The following NFATC2 variants were observed in gnomAD, a reference collection of about 807,000 sequenced individuals.
NFATC2 encodes nuclear factor of activated T-cells, cytoplasmic 2.
Under a neutral mutation model 87.3 loss-of-function variants are expected in NFATC2, and 22 were observed. The observed-to-expected ratio is 0.25, with a 90% CI of 0.18 to 0.36. The LOEUF (loss-of-function observed/expected upper bound fraction) is 0.36, where lower values mean the gene tolerates loss of function less well. Among genes scored for constraint, NFATC2 ranks in the 10% least tolerant of loss-of-function variants. The pLI, the probability that NFATC2 is intolerant of heterozygous loss-of-function variation, is 1.00. For synonymous variants in NFATC2, 565 were observed against 542.2 expected, an observed-to-expected ratio of 1.04 and a Z score of -0.58; for missense variants, 1,149 against 1,259.1, an observed-to-expected ratio of 0.91 and a Z score of 1.32.
intron 3 of NFATC2, among the ~76,000 whole-genome samples, chr20:51,488,948 G>A (rs1361278472): frequency 1.3e-5 from 2 of 152,216 alleles, no homozygotes; most frequent in African/African-American, 4.8e-5. Context: ...CAGCACTTTG[G>A]GAGGCCAAGG....
At chr20:51,544,010 CGG>C (rs1251725867), upstream of NFATC2, among the ~76,000 whole-genome samples, 71 of 63,898 alleles carry the variant, frequency 1.1e-3, no homozygotes, top group African/African-American at 4.6e-3. Flanking sequence ...TTTTTGGAGA[CGG>C]AGTCTCGCTC....
At chr20:51,433,001 G>T (rs1427283680) in intron 8 of NFATC2, among the ~76,000 whole-genome samples, 2 of 152,090 alleles carry the variant, frequency 1.3e-5, no homozygotes, top group Admixed American at 1.3e-4. Context: ...AAGGTGGCTG[G>T]TAGGTCTGAC....
chr20:51,405,472 G>T (rs991485676), intron 9 of NFATC2, among the ~76,000 whole-genome samples: 1 of 152,116 alleles, frequency 6.6e-6, no homozygotes, highest in East Asian at 1.9e-4. Flanking sequence ...CTGTTTGCAT[G>T]TGCCATGTTC....
At chr20:51,411,953 C>T (rs1979325396) in intron 9 of NFATC2, among the ~76,000 whole-genome samples, 1 of 152,058 alleles carries the variant, frequency 6.6e-6, no homozygotes, top group Non-Finnish European at 1.5e-5. Context: ...AAGCAGAGGT[C>T]CCAACCTCAG....
chr20:51,526,340 C>T (rs995888648), intron 1 of NFATC2, among the ~76,000 whole-genome samples: 2 of 152,202 alleles, frequency 1.3e-5, no homozygotes, highest in Non-Finnish European at 2.9e-5. Context: ...AAGCAAGCTA[C>T]AGCTTGCTCC....
upstream of NFATC2, among the ~76,000 whole-genome samples, chr20:51,544,293 T>A (rs1213459476): frequency 6.6e-6 from 1 of 152,084 alleles, no homozygotes; most frequent in Admixed American, 6.5e-5. Flanking sequence ...GGCCTGAAAA[T>A]TTTTTTAAAC....
Position 51,435,840 on chromosome 20 carries a change from G to A in NFATC2, c.1850-79C>T, listed in dbSNP as rs1983485064. On this transcript the variant is annotated intron_variant, in intron 6 of 10. Transcript: ENST00000371564. ...TTAAGACAAAAACTCACCAACTTCT[G>A]TTTATCTTAGCTTGTATATTATGTC... is the stretch of plus-strand genomic sequence containing the variant. The A allele has an allele frequency of 5.0e-6, 6 of 1,199,588 alleles. No individual in the cohort carries two copies. The South Asian group carries it at 5.2e-5, about 10-fold the overall frequency. 74.3% of individuals were successfully genotyped at this position (1,199,588 alleles called of 1,614,324 possible). A position where few individuals can be genotyped will look rare whatever the true frequency, so the allele number is the denominator to read the frequency against.
At chr20:51,548,145 C>T (rs1012131858) in intron 1 of NFATC2, among the ~76,000 whole-genome samples, 3 of 152,166 alleles carry the variant, frequency 2.0e-5, no homozygotes, top group Admixed American at 1.3e-4. Flanking sequence ...CTCCCTCTGC[C>T]ACCCTGATCG....
chr20:51,394,425 C>T (rs28435528), intron 10 of NFATC2, among the ~76,000 whole-genome samples: 2,327 of 152,150 alleles, frequency 0.015, 70 homozygotes, highest in African/African-American at 0.053. Flanking sequence ...ACCTTCCTCA[C>T]GCTGCTCCTC....
intron 9 of NFATC2, among the ~76,000 whole-genome samples, chr20:51,400,626 C>T (rs893862705): frequency 6.6e-6 from 1 of 152,176 alleles, no homozygotes; most frequent in Non-Finnish European, 1.5e-5. Context: ...TCTTTGTCAG[C>T]TTCTTTGTGG....
In NFATC2 at chr20:51,440,236, CAAAAAAA is replaced by C. The variant is rs34071345; in HGVS notation, c.1850-4482_1850-4476del. Among the ~76,000 whole-genome samples the C allele has an allele frequency of 9.7e-4, 94 of 97,206 alleles. 1 individual carries two copies. Among genetic ancestry groups the C allele is most frequent in the East Asian group, 1.5e-3 (5 of 3,248 alleles). 63.8% of individuals were successfully genotyped at this position (97,206 alleles called of 152,430 possible). ...GGGCAACAAGAGCAAAACTCCATCTCAAAAAAAAAAAAAAAAAAAAAATGTTCAACAG... is the reference window on the plus strand; with the variant it reads ...GGGCAACAAGAGCAAAACTCCATCTCAAAAAAAAAAAAAAATGTTCAACAG... On this transcript the variant is annotated intron_variant, in intron 6 of 10. Coordinates refer to ENST00000371564, the MANE Select transcript of NFATC2 (RefSeq NM_012340.5).
intron 3 of NFATC2, among the ~76,000 whole-genome samples, chr20:51,496,328 C>T (rs1600870873): frequency 1.3e-5 from 2 of 152,206 alleles, no homozygotes; most frequent in Non-Finnish European, 2.9e-5. Flanking sequence ...TGTCAAATGC[C>T]ATCTGTGGAC....
chr20:51,517,805 T>C (rs2076377570), intron 2 of NFATC2, among the ~76,000 whole-genome samples: 1 of 151,320 alleles, frequency 6.6e-6, no homozygotes, highest in Admixed American at 6.6e-5. Flanking sequence ...TAATTCTAGC[T>C]ACTCAGGAGG....
chr20:51,441,344 A>G (rs1984310575), intron 6 of NFATC2, among the ~76,000 whole-genome samples: 1 of 152,118 alleles, frequency 6.6e-6, no homozygotes, highest in African/African-American at 2.4e-5. Context: ...CCCAGGTTCA[A>G]GTTCTGTCCC....
At chr20:51,457,514 C>T (rs538036894) in intron 5 of NFATC2, among the ~76,000 whole-genome samples, 1 of 152,316 alleles carries the variant, frequency 6.6e-6, no homozygotes, top group Admixed American at 6.5e-5. Flanking sequence ...CCTTCAAAGC[C>T]TCATAGTCTC....
At chr20:51,550,217 G>A (rs2076921415) in intron 1 of NFATC2, among the ~76,000 whole-genome samples, 1 of 152,128 alleles carries the variant, frequency 6.6e-6, no homozygotes, top group African/African-American at 2.4e-5. Context: ...TCCCATTTGA[G>A]CCCAGGAGCT....
chr20:51,416,116 T>C (rs1019025023), intron 9 of NFATC2, among the ~76,000 whole-genome samples: 1 of 151,690 alleles, frequency 6.6e-6, no homozygotes, highest in African/African-American at 2.4e-5. Flanking sequence ...ACAAAAATTA[T>C]CCGGACATGG....
chr20:51,486,214 C>G (rs6021236), intron 3 of NFATC2, among the ~76,000 whole-genome samples: 2 of 149,906 alleles, frequency 1.3e-5, no homozygotes, highest in Non-Finnish European at 3.0e-5. Flanking sequence ...CTGCCTCAAA[C>G]AAAAAAAAGA....
At chr20:51,401,943 C>G (rs1988091084) in intron 9 of NFATC2, among the ~76,000 whole-genome samples, 1 of 152,168 alleles carries the variant, frequency 6.6e-6, no homozygotes, top group Admixed American at 6.5e-5. Context: ...CTTCTGAGCT[C>G]ACAGGCATGC....
Sources: gnomAD v4.1 joint callset for allele counts (sites outside exome capture counted in the v4.1 genomes callset) on GRCh38, gnomAD v4.1.1 for gene constraint, MANE v1.5 for transcripts, NCBI Gene and HGNC (gene_info 2026-07-23, HGNC 2026-07-21) for gene names.